NUBPL: variants seen among roughly 807,000 people sequenced by gnomAD.
NUBPL encodes iron-sulfur cluster transfer protein NUBPL.
A neutral mutation model predicts 45.7 loss-of-function variants in NUBPL; 31 were observed. The observed-to-expected ratio is 0.68, with a 90% confidence interval of 0.51 to 0.92. NUBPL has a LOEUF of 0.92. Ranked by LOEUF, NUBPL falls within the 40% of genes least tolerant of loss-of-function variation. The pLI is 0.00. For synonymous variants in NUBPL, 144 were observed against 140.9 expected, an observed-to-expected ratio of 1.02 and a Z score of -0.15; for missense variants, 401 against 398.7, an observed-to-expected ratio of 1.01 and a Z score of -0.05.
intron 7 of NUBPL, among the ~76,000 whole-genome samples, chr14:31,820,792 T>C (rs1469168541): frequency 1.4e-5 from 2 of 142,828 alleles, no homozygotes; most frequent in African/African-American, 2.7e-5. Context: ...CCATTGGCAC[T>C]CCAGCCTGGG....
At chr14:31,688,358 A>G (rs2037004233) in intron 6 of NUBPL, among the ~76,000 whole-genome samples, 1 of 151,896 alleles carries the variant, frequency 6.6e-6, no homozygotes, top group African/African-American at 2.4e-5. Context: ...TGGGCAGATC[A>G]TGAAGTCAGG....
intron 7 of NUBPL, among the ~76,000 whole-genome samples, chr14:31,792,117 T>C (rs1595633194): frequency 6.6e-6 from 1 of 152,232 alleles, no homozygotes; most frequent in Non-Finnish European, 1.5e-5. Context: ...TTGACCTCTA[T>C]ATCAAACTGG....
intron 4 of NUBPL, among the ~76,000 whole-genome samples, chr14:31,656,180 T>C (rs538365406): frequency 2.6e-5 from 4 of 152,326 alleles, no homozygotes; most frequent in African/African-American, 9.6e-5. Context: ...TTTAATAGAA[T>C]TGAAGAGAGT....
intron 3 of NUBPL, among the ~76,000 whole-genome samples, chr14:31,594,318 A>G (rs867206878): frequency 3.3e-5 from 5 of 152,106 alleles, no homozygotes; most frequent in Non-Finnish European, 7.4e-5. Context: ...TACTCAAGAC[A>G]CTGAGGCGGG....
At chr14:31,594,874 T>C (rs551160760) in intron 3 of NUBPL, among the ~76,000 whole-genome samples, 1 of 152,166 alleles carries the variant, frequency 6.6e-6, no homozygotes, top group South Asian at 2.1e-4. Flanking sequence ...GAATATAATA[T>C]ACAGGGAATC....
chr14:31,798,128 CT>C (rs1408635825), intron 7 of NUBPL, among the ~76,000 whole-genome samples: 2 of 152,058 alleles, frequency 1.3e-5, no homozygotes, highest in Admixed American at 1.3e-4. Flanking sequence ...GTTGTGCCCC[CT>C]TATCTTTCTT....
intron 6 of NUBPL, among the ~76,000 whole-genome samples, chr14:31,712,796 C>T (rs762284150): frequency 5.3e-5 from 8 of 152,216 alleles, no homozygotes; most frequent in Non-Finnish European, 1.0e-4. Flanking sequence ...GCTTTAATCA[C>T]GTGCAGCAGC....
At chr14:31,727,350 G>T (rs1186970178) in intron 6 of NUBPL, among the ~76,000 whole-genome samples, 1 of 152,056 alleles carries the variant, frequency 6.6e-6, no homozygotes, top group East Asian at 1.9e-4. Flanking sequence ...TGTTTTTTCA[G>T]CCCCAAATTA....
At chr14:31,846,736 C>T in intron 9 of NUBPL, 145 bp downstream of exon 9, 2 of 1,324,294 alleles carry the variant, frequency 1.5e-6, no homozygotes, top group Non-Finnish European at 2.1e-6. Flanking sequence ...GTGGACAGAT[C>T]ACGAGGTCAG....
In NUBPL at chr14:31,860,238, G is replaced by A. The variant is rs1326045636; in HGVS notation, c.*1058G>A. The A allele has an allele frequency of 6.8e-6, 1 of 147,838 alleles. No individual in the cohort carries two copies. The highest frequency in any genetic ancestry group is 1.5e-5 in the Non-Finnish European group (1 of 67,506). The allele number at this position is 147,838 out of a possible 1,614,324, so 9.2% of individuals were successfully genotyped here. On this transcript the variant is annotated 3_prime_UTR_variant, in exon 11 of 11. Transcript: ENST00000281081. ...GAATCATTTCAACCCGGGAGGCTGA[G>A]GTTGCAGTGAGTGGAGATTGTACCA... is the stretch of plus-strand genomic sequence containing the variant.
At chr14:31,705,205 G>C (rs2037421016) in intron 6 of NUBPL, among the ~76,000 whole-genome samples, 1 of 152,170 alleles carries the variant, frequency 6.6e-6, no homozygotes, top group Admixed American at 6.5e-5. Context: ...GTGGGTTCAT[G>C]GTCTCACTGC....
chr14:31,762,155 A>G (rs2038824612), intron 6 of NUBPL, among the ~76,000 whole-genome samples: 1 of 152,202 alleles, frequency 6.6e-6, no homozygotes, highest in South Asian at 2.1e-4. Context: ...ATATAAGGTG[A>G]AAGTATCTTT....
intron 6 of NUBPL, among the ~76,000 whole-genome samples, chr14:31,699,369 TA>T (rs1240436774): frequency 6.6e-6 from 1 of 152,204 alleles, no homozygotes; most frequent in African/African-American, 2.4e-5. Context: ...AGCTACCTAT[TA>T]TTAGGTATTT....
At chr14:31,771,791 T>C (rs1566553354) in intron 6 of NUBPL, 2 of 770,326 alleles carry the variant, frequency 2.6e-6, no homozygotes, top group South Asian at 5.9e-5. Flanking sequence ...CCTTTACCTA[T>C]TACCCCACTT....
chr14:31,798,292 A>G (rs1369878812), intron 7 of NUBPL, among the ~76,000 whole-genome samples: 1 of 111,532 alleles, frequency 9.0e-6, no homozygotes, highest in African/African-American at 3.3e-5. Context: ...CATTTTAGGT[A>G]TTTATTTATG....
chr14:31,725,702 A>G (rs1217135234), intron 6 of NUBPL, among the ~76,000 whole-genome samples: 1 of 114,966 alleles, frequency 8.7e-6, no homozygotes, highest in Admixed American at 1.0e-4. Flanking sequence ...AACATTTTAG[A>G]TTTCAGCTTT....
chr14:31,812,375 G>A (rs576140973), intron 7 of NUBPL, among the ~76,000 whole-genome samples: 1 of 152,198 alleles, frequency 6.6e-6, no homozygotes, highest in Non-Finnish European at 1.5e-5. Context: ...AGCCAGGCTT[G>A]CCTCCTTGCA....
chr14:31,842,754 G>A (rs923039976), intron 8 of NUBPL, among the ~76,000 whole-genome samples: 1 of 152,068 alleles, frequency 6.6e-6, no homozygotes, highest in African/African-American at 2.4e-5. Context: ...CAGACTTTCA[G>A]TTATACATCC....
intron 4 of NUBPL, among the ~76,000 whole-genome samples, chr14:31,623,248 A>G (rs1034119136): frequency 2.6e-5 from 4 of 152,120 alleles, no homozygotes; most frequent in Non-Finnish European, 4.4e-5. Flanking sequence ...CAGTACCCCC[A>G]TTGTATCTTG....
Sources: gnomAD v4.1 joint callset for allele counts (sites outside exome capture counted in the v4.1 genomes callset) on GRCh38, gnomAD v4.1.1 for gene constraint, MANE v1.5 for transcripts, NCBI Gene and HGNC (gene_info 2026-07-23, HGNC 2026-07-21) for gene names.